Variants in EPHA5 observed in about 807,000 individuals in gnomAD.
EPHA5 encodes the protein ephrin type-A receptor 5.
A neutral mutation model predicts 105.0 loss-of-function variants in EPHA5; 60 were observed. That is an observed-to-expected ratio of 0.57 (90% CI 0.46 to 0.71). The LOEUF is 0.71. EPHA5 is among the 30% of genes least tolerant of loss of function. The probability of loss-of-function intolerance (pLI) is 0.00; values close to 1 mark genes in which losing one functional copy is unlikely to be tolerated. For synonymous variants in EPHA5, 513 were observed against 449.1 expected, an observed-to-expected ratio of 1.14 and a Z score of -1.80; for missense variants, 1,218 against 1,274.7, an observed-to-expected ratio of 0.96 and a Z score of 0.68.
Position 65,609,737 on chromosome 4 carries a change from G to T in EPHA5, c.247-7433C>A, listed in dbSNP as rs187084388. On this transcript the variant is annotated intron_variant, in intron 2 of 16. Transcript: ENST00000613740. ...CTTTAACAATTATCCAAGTGCAGAAGCAATAAATGGAAGGATGGAAAAATC... is the reference window on the plus strand; with the variant it reads ...CTTTAACAATTATCCAAGTGCAGAATCAATAAATGGAAGGATGGAAAAATC... Among the ~76,000 whole-genome samples the T allele has an allele frequency of 6.7e-5, 10 of 150,250 alleles. No homozygotes were observed. In the East Asian group the frequency reaches 2.0e-3, roughly 29 times the overall value.
chr4:65,544,692 G>A (rs1737203210), intron 3 of EPHA5, among the ~76,000 whole-genome samples: 1 of 151,992 alleles, frequency 6.6e-6, no homozygotes, highest in Non-Finnish European at 1.5e-5. Context: ...TCTAGAACCA[G>A]AAATGCCATT....
At chr4:65,454,685 T>C (rs2149115090) in intron 5 of EPHA5, among the ~76,000 whole-genome samples, 1 of 152,290 alleles carries the variant, frequency 6.6e-6, no homozygotes, top group Admixed American at 6.5e-5. Context: ...GTTTTGGAAA[T>C]TGATGCCTAT....
At chr4:65,666,955 C>T (rs963934370) in intron 1 of EPHA5, among the ~76,000 whole-genome samples, 9 of 151,980 alleles carry the variant, frequency 5.9e-5, no homozygotes, top group Admixed American at 1.3e-4. Flanking sequence ...CTTTTTTTCA[C>T]ATAATGGGAG....
intron 2 of EPHA5, among the ~76,000 whole-genome samples, chr4:65,614,489 G>T (rs1745051038): frequency 1.3e-5 from 2 of 151,708 alleles, no homozygotes; most frequent in South Asian, 4.1e-4. Flanking sequence ...AAATGTCCCT[G>T]ACCTCCCTTT....
rs567756415 is a variant in EPHA5, at chr4:65,395,767, A to G, written c.1793+8607T>C. Among the ~76,000 whole-genome samples, 60 of 152,370 alleles carry G rather than the reference A, an allele frequency of 3.9e-4. 1 individual carries two copies. In the South Asian group the frequency reaches 8.9e-3, roughly 23 times the overall value. On this transcript the variant is annotated intron_variant, in intron 8 of 16. Coordinates refer to ENST00000613740, the MANE Select transcript of EPHA5 (RefSeq NM_001281766.3). Reference sequence around the variant, plus strand: ...GGTTGGCCAGAAAATATAACTTTTAACAGGCATTAAGCCATTTCTCAAATT... The same window carrying G: ...GGTTGGCCAGAAAATATAACTTTTAGCAGGCATTAAGCCATTTCTCAAATT...
At chr4:65,504,682 G>A (rs1416386779) in intron 3 of EPHA5, among the ~76,000 whole-genome samples, 1 of 151,832 alleles carries the variant, frequency 6.6e-6, no homozygotes, top group Non-Finnish European at 1.5e-5. Flanking sequence ...AGAATGAACT[G>A]ACACATGGCT....
rs1719730983 is a variant in EPHA5 at position 65,322,688 on chromosome 4, T to G, written c.*1426A>C. 4.4e-6 allele frequency: 1 copy of G among 225,624 alleles called. No individual in the cohort carries two copies. The highest frequency in any genetic ancestry group is 2.2e-5 in the African/African-American group (1 of 44,874). 14.0% of individuals were successfully genotyped at this position (225,624 alleles called of 1,614,324 possible). On this transcript the variant is annotated 3_prime_UTR_variant, in exon 17 of 17. Transcript: ENST00000613740. ...TAATAAGCCTAATTACATAATACCT[T>G]GGATTGGTTCAATAAAATAAACTCA...
At chr4:65,433,717 A>G (rs61126329) in intron 5 of EPHA5, among the ~76,000 whole-genome samples, 15,153 of 152,202 alleles carry the variant, frequency 0.1, 977 homozygotes, top group Middle Eastern at 0.22. Flanking sequence ...TGTCTTTTCT[A>G]TCCTCTAAAG....
At chr4:65,622,770 G>T (rs1364997333) in intron 2 of EPHA5, among the ~76,000 whole-genome samples, 3 of 151,936 alleles carry the variant, frequency 2.0e-5, no homozygotes, top group East Asian at 1.9e-4. Flanking sequence ...AGGTGATCTT[G>T]TTGGGCTTTA....
chr4:65,432,335 T>C (rs1422924214), intron 5 of EPHA5, among the ~76,000 whole-genome samples: 1 of 152,150 alleles, frequency 6.6e-6, no homozygotes, highest in Admixed American at 6.6e-5. Flanking sequence ...AAACTTGCCA[T>C]AGATATAGAA....
intron 5 of EPHA5, among the ~76,000 whole-genome samples, chr4:65,456,893 A>G (rs974607632): frequency 2.0e-5 from 3 of 152,102 alleles, no homozygotes; most frequent in Non-Finnish European, 4.4e-5. Context: ...ATCTAATTAA[A>G]GTGCTTAGTG....
chr4:65,365,915 C>A lies in EPHA5; in HGVS notation c.1987+17G>T, dbSNP rs370999375. 6.3e-7 allele frequency: 1 copy of A among 1,592,438 alleles called. No homozygotes were observed. ...GCAAACAAAAGTTAAAAATGAAAGT[C>A]AAACACATTGTCGTACCTGCTCCAA... On this transcript the variant is annotated intron_variant, in intron 10 of 16. Coordinates refer to ENST00000613740, the MANE Select transcript of EPHA5 (RefSeq NM_001281766.3).
intron 16 of EPHA5, chr4:65,330,614 A>G (rs1720518662): frequency 1.9e-6 from 1 of 530,280 alleles, no homozygotes; most frequent in Middle Eastern, 8.9e-4. Context: ...GGGTAGAAGA[A>G]ATACCTACAA....
At chr4:65,542,789 A>G (rs548137448) in intron 3 of EPHA5, among the ~76,000 whole-genome samples, 1 of 151,922 alleles carries the variant, frequency 6.6e-6, no homozygotes, top group Non-Finnish European at 1.5e-5. Context: ...ACTTCAGTCC[A>G]ACATCCCTGA....
At chr4:65,507,172 G>C (rs1229748092) in intron 3 of EPHA5, among the ~76,000 whole-genome samples, 1 of 152,102 alleles carries the variant, frequency 6.6e-6, no homozygotes, top group Non-Finnish European at 1.5e-5. Context: ...AGGTCAGATA[G>C]TTGTAGATAT....
At chr4:65,472,227 G>C (rs1330451002) in intron 5 of EPHA5, among the ~76,000 whole-genome samples, 1 of 152,126 alleles carries the variant, frequency 6.6e-6, no homozygotes, top group African/African-American at 2.4e-5. Context: ...TTGAGTCCCT[G>C]TCTCACATCT....
At chr4:65,530,999 TTTTTTTA>T (rs1735718019) in intron 3 of EPHA5, among the ~76,000 whole-genome samples, 1 of 101,738 alleles carries the variant, frequency 9.8e-6, no homozygotes, top group African/African-American at 4.0e-5. Flanking sequence ...TGGATGGATT[TTTTTTTA>T]TTTTTTTTAT....
At chr4:65,429,682 T>C (rs1318764367) in intron 5 of EPHA5, among the ~76,000 whole-genome samples, 1 of 152,052 alleles carries the variant, frequency 6.6e-6, no homozygotes, top group African/African-American at 2.4e-5. Context: ...GGAATTGTGA[T>C]ATTAAATTAT....
intron 3 of EPHA5, among the ~76,000 whole-genome samples, chr4:65,503,667 T>C (rs1270688249): frequency 2.0e-5 from 3 of 151,770 alleles, no homozygotes; most frequent in Non-Finnish European, 2.9e-5. Flanking sequence ...TATTCATTCA[T>C]CTACAATATG....
Sources: allele counts gnomAD v4.1 joint callset (sites outside exome capture counted in the v4.1 genomes callset), GRCh38; gene constraint gnomAD v4.1.1; transcripts MANE v1.5; gene names NCBI Gene and HGNC (gene_info 2026-07-23, HGNC 2026-07-21).